The following TBC1D31 variants were observed in gnomAD, a reference collection of about 807,000 sequenced individuals.
TBC1D31 encodes the protein TBC1 domain family member 31, also known as WD repeat domain 67.
A neutral mutation model predicts 132.9 loss-of-function variants in TBC1D31; 99 were observed. The observed-to-expected ratio is 0.74, with a 90% confidence interval of 0.63 to 0.88. The LOEUF is 0.88. TBC1D31 is among the 40% of genes least tolerant of loss of function. The probability of loss-of-function intolerance (pLI) is 0.00; values close to 1 mark genes in which losing one functional copy is unlikely to be tolerated. For synonymous variants in TBC1D31, 385 were observed against 419.4 expected (o/e 0.92, Z 1.00); for missense variants, 1,134 against 1,256.6 (o/e 0.90, Z 1.48).
At chr8:123,154,025 TAG>T (rs1822928207), downstream of TBC1D31, among the ~76,000 whole-genome samples, 2 of 152,358 alleles carry the variant, frequency 1.3e-5, no homozygotes, top group East Asian at 1.9e-4. Context: ...TTTACATTCA[TAG>T]AGTTTTTCTC....
At chr8:123,075,424 C>G (rs1453016421) in intron 1 of TBC1D31, among the ~76,000 whole-genome samples, 1 of 152,142 alleles carries the variant, frequency 6.6e-6, no homozygotes, top group Non-Finnish European at 1.5e-5. Flanking sequence ...AAAAACTAGG[C>G]AAGGTGCAGT....
rs188491271 is a variant in TBC1D31, at chr8:123,088,065, T to C, written c.519+3725T>C. Among the ~76,000 whole-genome samples the C allele has an allele frequency of 3.8e-3, 577 of 152,198 alleles. 4 individuals carry two copies. The highest frequency in any genetic ancestry group is 4.6e-3 in the Non-Finnish European group (315 of 68,006). On this transcript the variant is annotated intron_variant, in intron 4 of 21. Coordinates refer to ENST00000287380, the MANE Select transcript of TBC1D31 (RefSeq NM_145647.4). ...TTAGCTGGGTGTGGTGGCACATGCCTGTAATCCCAGCTACTGGGGAGGCTG... is the reference window on the plus strand; with the variant it reads ...TTAGCTGGGTGTGGTGGCACATGCCCGTAATCCCAGCTACTGGGGAGGCTG...
chr8:123,105,434 A>C lies in TBC1D31; in HGVS notation c.1179A>C (p.Gln393His). Residue 393 changes from glutamine to histidine, a missense_variant, in exon 8 of 22, where the codon CAA becomes CAC. Gln to His is a conservative substitution (Grantham distance 24, BLOSUM62 0). Coordinates refer to ENST00000287380, the MANE Select transcript of TBC1D31 (RefSeq NM_145647.4). Reference sequence around the variant, plus strand: ...AAATGCAAACTAGAATATTAAAACAAGACCTGACTGGTGATTTTGAAAGTA... The same window carrying C: ...AAATGCAAACTAGAATATTAAAACACGACCTGACTGGTGATTTTGAAAGTA... ...ESKMQTRILK[Q>H]DLTGDFESKK... 6.2e-7 allele frequency: 1 copy of C among 1,610,630 alleles called. No individual in the cohort carries two copies. Among genetic ancestry groups the C allele is most frequent in the Non-Finnish European group, 8.5e-7 (1 of 1,178,598 alleles).
chr8:123,140,217 C>T (rs1469801365), intron 17 of TBC1D31, among the ~76,000 whole-genome samples: 1 of 152,142 alleles, frequency 6.6e-6, no homozygotes, highest in Non-Finnish European at 1.5e-5. Flanking sequence ...AAAAAGTTAA[C>T]CAGGTGTGGT....
chr8:123,088,873 G>C (rs1430000451), intron 4 of TBC1D31, among the ~76,000 whole-genome samples: 10 of 152,024 alleles, frequency 6.6e-5, no homozygotes, highest in Non-Finnish European at 1.2e-4. Context: ...ACATTCTGGA[G>C]TTGTTTTTTC....
intron 10 of TBC1D31, among the ~76,000 whole-genome samples, chr8:123,114,511 A>G (rs1023092806): frequency 6.6e-6 from 1 of 152,116 alleles, no homozygotes; most frequent in Non-Finnish European, 1.5e-5. Context: ...TAATAGAGAC[A>G]GGGTTTCACC....
intron 4 of TBC1D31, among the ~76,000 whole-genome samples, chr8:123,086,741 A>G (rs73337861): frequency 5.5e-4 from 82 of 148,350 alleles, no homozygotes; most frequent in African/African-American, 2.0e-3. Flanking sequence ...TTCCTTTGCA[A>G]CGGAATCTGG....
chr8:123,083,237 G>A (rs1340148273), intron 3 of TBC1D31: 1 of 155,502 alleles, frequency 6.4e-6, no homozygotes, highest in Non-Finnish European at 1.4e-5. Context: ...CTGGCCATCT[G>A]CGCCAAGCAC....
At chr8:123,102,145 A>T in intron 7 of TBC1D31, 1 of 428,128 alleles carries the variant, frequency 2.3e-6, no homozygotes, top group Non-Finnish European at 4.7e-6. Flanking sequence ...CCCCCAGCTA[A>T]CCAGTCATAT....
intron 8 of TBC1D31, among the ~76,000 whole-genome samples, chr8:123,107,537 A>G (rs1410202860): frequency 2.0e-5 from 3 of 152,222 alleles, no homozygotes; most frequent in African/African-American, 7.2e-5. Context: ...AGACTGGGCA[A>G]TGTTGCTCCT....
intron 3 of TBC1D31, chr8:123,083,647 C>G (rs1290165119): frequency 6.6e-6 from 1 of 152,638 alleles, no homozygotes; most frequent in Non-Finnish European, 1.5e-5. Context: ...TCTCTTATAT[C>G]TCAGGACATC....
rs768280216 is a variant in TBC1D31, at chr8:123,126,151, C to T, written c.1666C>T (p.Leu556=). ...ENVLAFHDKE[L]LQHFIDHDIT... is the part of the protein sequence containing the mutation. ...TGTTTTGGCATTTCATGACAAGGAA[C>T]TGCTGCAACACTTCATAGATCATGA... The change falls in exon 12 of 22, where the codon CTG becomes TTG. Residue 556 remains leucine (L), a synonymous_variant. Coordinates refer to ENST00000287380, the MANE Select transcript of TBC1D31 (RefSeq NM_145647.4). 8 of 1,612,314 alleles carry T rather than the reference C, an allele frequency of 5.0e-6. No homozygotes were observed. The highest frequency in any genetic ancestry group is 2.2e-5 in the East Asian group (1 of 44,748).
chr8:123,136,693 C>A (rs186572957), intron 17 of TBC1D31, among the ~76,000 whole-genome samples: 1 of 152,096 alleles, frequency 6.6e-6, no homozygotes, highest in Non-Finnish European at 1.5e-5. Context: ...TCAGGTAATC[C>A]GCCCGCCTCG....
chr8:123,142,240 GA>G lies in TBC1D31; in HGVS notation c.2641-19del, dbSNP rs755533108. ...GTACTAGTAGTTTGACCTTGTTTCT[GA>G]AATGTATAACTTTTTCCTAGGTGAT... is the stretch of plus-strand genomic sequence containing the variant. On this transcript the variant is annotated intron_variant, in intron 18 of 21. Transcript: ENST00000287380. 62 of 1,535,068 alleles carry G rather than the reference GA, an allele frequency of 4.0e-5. 1 individual carries two copies. Among genetic ancestry groups the G allele is most frequent in the Non-Finnish European group, 5.3e-5 (61 of 1,143,564 alleles).
intron 2 of TBC1D31, 56 bp from the exon 3 acceptor site, chr8:123,082,646 T>G: frequency 1.5e-6 from 2 of 1,295,726 alleles, no homozygotes; most frequent in South Asian, 1.3e-5. Context: ...TCCTTCCACA[T>G]GGAATTTGTA....
intron 20 of TBC1D31, among the ~76,000 whole-genome samples, chr8:123,146,356 GCTACTAACTAC>G (rs1185240353): frequency 6.6e-6 from 1 of 152,132 alleles, no homozygotes; most frequent in Non-Finnish European, 1.5e-5. Context: ...GCCCCTGGCA[GCTACTAACTAC>G]CTTGTGTCCA....
intron 11 of TBC1D31, among the ~76,000 whole-genome samples, chr8:123,122,578 T>C (rs1234456754): frequency 6.6e-6 from 1 of 152,196 alleles, no homozygotes. Flanking sequence ...GAGTTTCTAT[T>C]TGGGGTATTG....
intron 5 of TBC1D31, among the ~76,000 whole-genome samples, chr8:123,096,005 T>C (rs1816801618): frequency 6.6e-6 from 1 of 152,226 alleles, no homozygotes; most frequent in East Asian, 1.9e-4. Flanking sequence ...TTTTTATTCA[T>C]TGCTGTGGTT....
At chr8:123,159,950 T>G in the TBC1D31 span, among the ~76,000 whole-genome samples, 1 of 152,248 alleles carries the variant, frequency 6.6e-6, no homozygotes, top group African/African-American at 2.4e-5. Flanking sequence ...AATAAGAGTC[T>G]CCATAAAGCC....
Sources: gnomAD v4.1 joint callset for allele counts (sites outside exome capture counted in the v4.1 genomes callset) on GRCh38, gnomAD v4.1.1 for gene constraint, MANE v1.5 for transcripts, NCBI Gene and HGNC (gene_info 2026-07-23, HGNC 2026-07-21) for gene names.